Variants in L1CAM observed in about 807,000 individuals in gnomAD.
The protein encoded by L1CAM is L1 cell adhesion molecule.
Under a neutral mutation model 93.0 loss-of-function variants are expected in L1CAM, and 8 were observed. That is an observed-to-expected ratio of 0.09 (90% CI 0.05 to 0.16). The LOEUF (loss-of-function observed/expected upper bound fraction) is 0.16. L1CAM is among the 10% of genes least tolerant of loss of function. The pLI is 1.00. For synonymous variants in L1CAM, 453 were observed against 453.0 expected (o/e 1.00, Z 0.00); for missense variants, 777 against 1,073.4 (o/e 0.72, Z 3.86).
intron 18 of L1CAM, 33 bp from the exon 19 acceptor site, chrX:153,866,904 G>A: frequency 2.6e-6 from 3 of 1,168,661 alleles, no homozygotes; most frequent in South Asian, 1.8e-5. Context: ...GAGTTGGTTG[G>A]CCAAGAACAC....
chrX:153,885,843 T>C, intron 1 of L1CAM: 1 of 812,505 alleles, frequency 1.2e-6, no homozygotes, highest in Non-Finnish European at 1.5e-6. Context: ...ACCCCTCACC[T>C]GTCGGGCTCG....
At chrX:153,866,578 A>G (rs2064715242) in intron 19 of L1CAM, 71 bp downstream of exon 19, 5 of 736,339 alleles carry the variant, frequency 6.8e-6, no homozygotes, top group Admixed American at 4.7e-5. Flanking sequence ...CAATGCTGAG[A>G]GGTGTGGACA....
intron 28 of L1CAM, 107 bp from the exon 29 acceptor site, chrX:153,863,001 G>T: frequency 1.6e-6 from 1 of 633,561 alleles, no homozygotes; most frequent in Non-Finnish European, 2.4e-6. Flanking sequence ...TTTAGAATGC[G>T]CTCAGAAAGA....
At position 153,868,703 on chromosome X, in the gene L1CAM, C is replaced by T; in HGVS notation, c.1404G>A (p.Val468=). The T allele has an allele frequency of 8.3e-7, 1 of 1,211,832 alleles. No individual in the cohort carries two copies. Among genetic ancestry groups the T allele is most frequent in the Non-Finnish European group, 1.1e-6 (1 of 895,583 alleles). ...AGGGGAAGAAGCGTTCGTCCTGAAGCACTGTTGTCCCATCCTCGTCCAGCC... is the reference window on the plus strand; with the variant it reads ...AGGGGAAGAAGCGTTCGTCCTGAAGTACTGTTGTCCCATCCTCGTCCAGCC... ...VQWLDEDGTT[V]LQDERFFPYA... The change falls in exon 13 of 29, where the codon GTG becomes GTA. Residue 468 remains valine, a synonymous_variant. Coordinates refer to ENST00000370060, the MANE Select transcript of L1CAM (RefSeq NM_001278116.2).
At chrX:153,879,922 G>A (rs1263865153) in intron 1 of L1CAM, among the ~76,000 whole-genome samples, 4 of 112,120 alleles carry the variant, frequency 3.6e-5, no homozygotes, top group Non-Finnish European at 7.5e-5. Flanking sequence ...TGCACTGAGT[G>A]GACAGTGGCC....
intron 28 of L1CAM, 80 bp from the exon 29 acceptor site, chrX:153,862,974 C>T (rs1210514500): frequency 1.3e-5 from 10 of 771,888 alleles, no homozygotes; most frequent in Middle Eastern, 3.3e-4. Context: ...GGCAGACGCC[C>T]GCCTGCCTTC....
Position 153,864,390 on chromosome X carries a change from T to C in L1CAM, c.3254A>G (p.Asp1085Gly), listed in dbSNP as rs1557090021. The C allele has an allele frequency of 8.3e-7, 1 of 1,211,522 alleles. No homozygotes were observed. The highest frequency in any genetic ancestry group is 1.1e-6 in the Non-Finnish European group (1 of 894,965). Reference sequence around the variant, plus strand: ...CTCCTTAAACAAGTGGATCTCGTAGTCAGTGTCAGGCTGCAGGTCCCACTG... The same window carrying C: ...CTCCTTAAACAAGTGGATCTCGTAGCCAGTGTCAGGCTGCAGGTCCCACTG... ...YTQWDLQPDTDYEIHLFKERM... is the reference protein window; with the variant it reads ...YTQWDLQPDTGYEIHLFKERM... The change falls in exon 25 of 29, where the codon GAC (aspartate) becomes GGC (glycine). Residue 1085 changes from aspartate (D) to glycine (G), a missense_variant. Around this residue, in one of 5 missense-constraint regions of L1CAM, gnomAD observed 18 missense variants for 53.0 expected, o/e 0.34. Transcript: ENST00000370060.
intron 1 of L1CAM, chrX:153,880,551 G>A: frequency 3.1e-6 from 1 of 322,727 alleles, no homozygotes; most frequent in Non-Finnish European, 6.2e-6. Context: ...GTGCTTGCAG[G>A]CCTGGGAGCC....
chrX:153,885,364 G>C (rs1354462602), intron 1 of L1CAM: 1 of 981,417 alleles, frequency 1.0e-6, no homozygotes, highest in Admixed American at 3.0e-5. Context: ...TGGCCACAGA[G>C]CCTGTGGAAA....
chrX:153,872,405 G>A lies in L1CAM; in HGVS notation c.198-51C>T, dbSNP rs1242048847. ...CCTGAGGCCCTGGAACCCAACGGGG[G>A]CTGGAACAGGCTGGAGGGACAGGTG... On this transcript the variant is annotated intron_variant, in intron 4 of 28. Coordinates refer to ENST00000370060, the MANE Select transcript of L1CAM (RefSeq NM_001278116.2). 4 of 1,113,195 alleles carry A rather than the reference G, an allele frequency of 3.6e-6. No homozygotes were observed. The African/African-American group carries it at 5.5e-5, about 15-fold the overall frequency. The allele number at this position is 1,113,195 out of a possible 1,213,427, so 91.7% of individuals were successfully genotyped here.
At position 153,864,363 on chromosome X, in the gene L1CAM, C is replaced by T; in HGVS notation, c.3281G>A (p.Arg1094Lys). Reference protein sequence around the residue: ...TDYEIHLFKERMFRHQMAVKT... With the variant: ...TDYEIHLFKEKMFRHQMAVKT... ...CACAGCCATTTGGTGCCGGAACATCCTCTCCTTAAACAAGTGGATCTCGTA... is the reference window on the plus strand; with the variant it reads ...CACAGCCATTTGGTGCCGGAACATCTTCTCCTTAAACAAGTGGATCTCGTA... The change falls in exon 25 of 29, where the codon AGG (arginine) becomes AAG (lysine). Residue 1094 changes from arginine to lysine, a missense_variant. Physicochemically the swap from Arg to Lys is conservative, Grantham distance 26 (BLOSUM62 2). Transcript: ENST00000370060. The T allele has an allele frequency of 8.3e-7, 1 of 1,212,047 alleles. No homozygotes were observed. Among genetic ancestry groups the T allele is most frequent in the South Asian group, 1.8e-5 (1 of 57,023 alleles).
chrX:153,882,607 C>A (rs1301470132), intron 1 of L1CAM, among the ~76,000 whole-genome samples: 4 of 109,770 alleles, frequency 3.6e-5, no homozygotes, highest in Non-Finnish European at 7.6e-5. Context: ...GGGCAGGGGG[C>A]AGAGGGGCTC....
Position 153,878,200 on chromosome X carries a change from C to T in L1CAM, c.-108-2256G>A, listed in dbSNP as rs57810672. ...CTGCCCAGCCAGGACCTTATCAAAGCGGGCACCGAGCCTCAGCAGGAACAC... is the reference window on the plus strand; with the variant it reads ...CTGCCCAGCCAGGACCTTATCAAAGTGGGCACCGAGCCTCAGCAGGAACAC... On this transcript the variant is annotated intron_variant, in intron 1 of 28. Transcript: ENST00000370060. Among the ~76,000 whole-genome samples, 30 of 112,786 alleles carry T rather than the reference C, an allele frequency of 2.7e-4. No homozygotes were observed. The East Asian group carries it at 5.3e-3, about 20-fold the overall frequency.
chrX:153,863,485 G>C lies in L1CAM; in HGVS notation c.3522C>G (p.Gly1174=), dbSNP rs1316389838. The C allele has an allele frequency of 8.3e-7, 1 of 1,211,048 alleles. No homozygotes were observed. The highest frequency in any genetic ancestry group is 1.1e-6 in the Non-Finnish European group (1 of 894,914). The part of the protein sequence containing the change: ...EARPMKDETF[G]EYRSLESDNE... ...CTCCTGCCCCGGCTCACCTGTACTC[G>C]CCGAAGGTCTCATCTTTCATCGGTC... is the stretch of plus-strand genomic sequence containing the variant. The change falls in exon 27 of 29, where the codon GGC becomes GGG. Residue 1174 remains glycine (G), a synonymous_variant. Coordinates refer to ENST00000370060, the MANE Select transcript of L1CAM (RefSeq NM_001278116.2).
intron 1 of L1CAM, among the ~76,000 whole-genome samples, chrX:153,882,857 G>A (rs1209582315): frequency 8.9e-6 from 1 of 112,219 alleles, no homozygotes; most frequent in South Asian, 3.7e-4. Flanking sequence ...AAGAACACGG[G>A]GACCTGGGCT....
rs368925038 is a variant in L1CAM at position 153,863,879 on chromosome X, C to T, written c.3457+4G>A. On this transcript the variant is annotated splice_donor_region_variant and intron_variant, in intron 26 of 28. Coordinates refer to ENST00000370060, the MANE Select transcript of L1CAM (RefSeq NM_001278116.2). ...ACCCCCGTCACGTGGGGCTCAGAGG[C>T]TACCTGAGTATTTGCCGCCCTTGCT... is the stretch of plus-strand genomic sequence containing the variant. The T allele has an allele frequency of 8.3e-7, 1 of 1,210,960 alleles. No individual in the cohort carries two copies. Among genetic ancestry groups the T allele is most frequent in the African/African-American group, 1.7e-5 (1 of 57,526 alleles).
chrX:153,864,785 G>A (rs2064696351), intron 23 of L1CAM, 36 bp downstream of exon 23: 2 of 1,211,787 alleles, frequency 1.7e-6, no homozygotes, highest in Non-Finnish European at 2.2e-6. Flanking sequence ...CGGCTGGCCG[G>A]GGCCTCCCTG....
chrX:153,863,681 C>T (rs2064684071), intron 26 of L1CAM, 132 bp from the exon 27 acceptor site: 1 of 831,447 alleles, frequency 1.2e-6, no homozygotes. Flanking sequence ...AAAGAAACCG[C>T]TCACCCCCTG....
chrX:153,883,317 G>A (rs1441476431), intron 1 of L1CAM, among the ~76,000 whole-genome samples: 7 of 110,807 alleles, frequency 6.3e-5, no homozygotes, highest in Non-Finnish European at 1.3e-4. Flanking sequence ...GGCAGAGGGA[G>A]GAGACGGGGA....
Sources: gnomAD v4.1 joint callset for allele counts (sites outside exome capture counted in the v4.1 genomes callset) on GRCh38, gnomAD v4.1.1 for gene constraint, gnomAD v4.1.1 regional missense constraint, MANE v1.5 for transcripts, NCBI Gene and HGNC (gene_info 2026-07-23, HGNC 2026-07-21) for gene names.